Variants in FMN1 observed in about 807,000 individuals in gnomAD.
FMN1 encodes the protein formin 1, also known as formin-1.
A neutral mutation model predicts 132.4 loss-of-function variants in FMN1; 110 were observed. The observed-to-expected ratio is 0.83, with a 90% CI of 0.71 to 0.97. FMN1 has a LOEUF of 0.97. FMN1 is among the 50% of genes least tolerant of loss of function. The pLI is 0.00. For synonymous variants in FMN1, 722 were observed against 651.7 expected (o/e 1.11, Z -1.64); for missense variants, 1,792 against 1,705.3 (o/e 1.05, Z -0.90).
chr15:32,920,849 T>C (rs1339858532), intron 10 of FMN1, among the ~76,000 whole-genome samples: 3 of 152,232 alleles, frequency 2.0e-5, no homozygotes, highest in African/African-American at 7.2e-5. Context: ...TGGTCTCTTC[T>C]CTACATTTCT....
intron 16 of FMN1, among the ~76,000 whole-genome samples, chr15:32,871,494 C>T (rs2059515860): frequency 6.6e-6 from 1 of 152,188 alleles, no homozygotes; most frequent in African/African-American, 2.4e-5. Context: ...CCATAGCTCA[C>T]TTAATTCTCC....
rs139321922 is a variant in FMN1 at position 33,015,113 on chromosome 15, C to T, written c.2162-7038G>A. On this transcript the variant is annotated intron_variant, in intron 6 of 20. Transcript: ENST00000616417. ...TAAGTGCCAATAATATCATTCAGAC[C>T]CAAAGAACGTGTGCTGGCTCTGCAG... 2.0e-3 allele frequency among the ~76,000 whole-genome samples: 308 copies of T among 152,206 alleles called. 2 individuals are homozygous for T. Among genetic ancestry groups the T allele is most frequent in the Non-Finnish European group, 3.7e-3 (251 of 68,010 alleles).
chr15:33,109,594 A>T lies in FMN1; in HGVS notation c.1868-20620T>A, dbSNP rs140609014. Among the ~76,000 whole-genome samples the T allele has an allele frequency of 3.0e-4, 45 of 152,254 alleles. No individual in the cohort carries two copies. In the East Asian group the frequency reaches 8.3e-3, roughly 28 times the overall value. On this transcript the variant is annotated intron_variant, in intron 4 of 20. Coordinates refer to ENST00000616417, the MANE Select transcript of FMN1 (RefSeq NM_001277313.2). ...CTTAGCAAACTAAGGCAGGAACAGA[A>T]AATCAAATACTGCGTGTTCTCACTT...
intron 7 of FMN1, among the ~76,000 whole-genome samples, chr15:32,999,373 A>C (rs377391321): frequency 1.3e-5 from 2 of 152,378 alleles, no homozygotes; most frequent in East Asian, 1.9e-4. Flanking sequence ...TTTCAACAGC[A>C]ATGTGTAAAC....
chr15:33,031,471 G>C (rs181810894), intron 6 of FMN1, among the ~76,000 whole-genome samples: 1 of 152,276 alleles, frequency 6.6e-6, no homozygotes, highest in Non-Finnish European at 1.5e-5. Flanking sequence ...GGCATGACCA[G>C]TCAGCACCAA....
At chr15:33,055,268 CAAAA>C (rs1326680121) in intron 6 of FMN1, among the ~76,000 whole-genome samples, 1 of 152,176 alleles carries the variant, frequency 6.6e-6, no homozygotes, top group Non-Finnish European at 1.5e-5. Context: ...AATTGCCAAT[CAAAA>C]TATGTTTAAA....
chr15:33,180,691 C>T (rs1380022164), intron 2 of FMN1, among the ~76,000 whole-genome samples: 2 of 150,420 alleles, frequency 1.3e-5, no homozygotes, highest in Non-Finnish European at 2.9e-5. Flanking sequence ...CTGGCCACAT[C>T]GTGCCTCAGC....
chr15:33,068,389 G>C (rs966269147), intron 5 of FMN1, among the ~76,000 whole-genome samples: 3 of 152,174 alleles, frequency 2.0e-5, no homozygotes, highest in African/African-American at 7.2e-5. Context: ...ACTGCCCAGA[G>C]CAGCCTAAGG....
At chr15:32,966,927 A>G (rs963155873) in intron 8 of FMN1, among the ~76,000 whole-genome samples, 2 of 152,224 alleles carry the variant, frequency 1.3e-5, no homozygotes, top group South Asian at 4.1e-4. Context: ...ATAGGTACAA[A>G]AAGTTGGAGG....
At chr15:33,115,308 A>G (rs1490161433) in intron 4 of FMN1, among the ~76,000 whole-genome samples, 1 of 152,196 alleles carries the variant, frequency 6.6e-6, no homozygotes, top group African/African-American at 2.4e-5. Flanking sequence ...ATAATACTTG[A>G]AGGATGAATA....
At position 32,926,275 on chromosome 15, in the gene FMN1, A is replaced by G. The variant is rs749911815; in HGVS notation, c.3139-14T>C. 10 of 1,421,712 alleles carry G rather than the reference A, an allele frequency of 7.0e-6. No individual in the cohort carries two copies. The highest frequency in any genetic ancestry group is 5.8e-5 in the African/African-American group (4 of 68,946). 88.1% of individuals were successfully genotyped at this position (1,421,712 alleles called of 1,614,324 possible). A position where few individuals can be genotyped will look rare whatever the true frequency, so the allele number is the denominator to read the frequency against. On this transcript the variant is annotated splice_polypyrimidine_tract_variant and intron_variant, in intron 9 of 20. Transcript: ENST00000616417. ...CAATTTGATGATCTAAAATTAGAAA[A>G]AAAAAAAAAAGAATACAAGCTCAAA...
intron 6 of FMN1, among the ~76,000 whole-genome samples, chr15:33,031,473 C>CA (rs2035935141): frequency 1.3e-5 from 2 of 152,194 alleles, no homozygotes; most frequent in South Asian, 4.1e-4. Context: ...CATGACCAGT[C>CA]AGCACCAATT....
intron 7 of FMN1, among the ~76,000 whole-genome samples, chr15:32,975,981 C>G (rs2032170997): frequency 6.6e-6 from 1 of 152,052 alleles, no homozygotes; most frequent in African/African-American, 2.4e-5. Flanking sequence ...TTGTCTGGTC[C>G]CCACAAGCAT....
At chr15:32,858,711 C>T (rs2059192699) in intron 16 of FMN1, among the ~76,000 whole-genome samples, 1 of 152,128 alleles carries the variant, frequency 6.6e-6, no homozygotes, top group Non-Finnish European at 1.5e-5. Flanking sequence ...CAAATCTTAC[C>T]TTGAAACAAC....
At chr15:32,987,782 T>C (rs2033161697) in intron 7 of FMN1, among the ~76,000 whole-genome samples, 1 of 152,142 alleles carries the variant, frequency 6.6e-6, no homozygotes, top group Admixed American at 6.6e-5. Context: ...TAGAATTAAA[T>C]CCGAATATTT....
intron 5 of FMN1, chr15:33,066,600 G>T: frequency 6.2e-7 from 1 of 1,613,646 alleles, no homozygotes; most frequent in Non-Finnish European, 8.5e-7. Context: ...CTCATCTTGC[G>T]CTTGAGAGCT....
chr15:33,050,453 C>T (rs569879335), intron 6 of FMN1, among the ~76,000 whole-genome samples: 2 of 152,124 alleles, frequency 1.3e-5, no homozygotes, highest in African/African-American at 4.8e-5. Flanking sequence ...CTAAGAACCT[C>T]ATTTTCAAAA....
In FMN1 at chr15:32,981,543, A is replaced by ATTATT. The variant is rs1555372550; in HGVS notation, c.2224-12067_2224-12066insAATAA. ...AAATAATAATAATAATAATAATAAT[A>ATTATT]ATTATTATTATTATTATTATTACAT... is the stretch of plus-strand genomic sequence containing the variant. On this transcript the variant is annotated intron_variant, in intron 7 of 20. Transcript: ENST00000616417. Among the ~76,000 whole-genome samples the ATTATT allele has an allele frequency of 7.3e-3, 1,013 of 138,366 alleles. 11 individuals are homozygous for ATTATT. Among genetic ancestry groups the ATTATT allele is most frequent in the Non-Finnish European group, 0.01 (670 of 64,206 alleles). 90.8% of individuals were successfully genotyped at this position (138,366 alleles called of 152,430 possible). A position where few individuals can be genotyped will look rare whatever the true frequency, so the allele number is the denominator to read the frequency against.
At chr15:33,025,696 A>G (rs2035632195) in intron 6 of FMN1, among the ~76,000 whole-genome samples, 1 of 152,214 alleles carries the variant, frequency 6.6e-6, no homozygotes, top group Non-Finnish European at 1.5e-5. Flanking sequence ...ATCTCACATT[A>G]ACATACTAAT....
Sources: allele counts gnomAD v4.1 joint callset (sites outside exome capture counted in the v4.1 genomes callset), GRCh38; gene constraint gnomAD v4.1.1; transcripts MANE v1.5; gene names NCBI Gene and HGNC (gene_info 2026-07-23, HGNC 2026-07-21).